The following CYP27A1 variants were observed in gnomAD, a reference collection of about 807,000 sequenced individuals.
CYP27A1 encodes the protein sterol 26-hydroxylase, mitochondrial.
In CYP27A1, 46 loss-of-function variants were observed where a neutral mutation model predicts 58.2. The observed-to-expected ratio is 0.79, with a 90% confidence interval of 0.62 to 1.01. The LOEUF is 1.01. CYP27A1 is among the 50% of genes least tolerant of loss of function. CYP27A1 has a pLI of 0.00. For synonymous variants in CYP27A1, 274 were observed against 285.1 expected (o/e 0.96, Z 0.39); for missense variants, 704 against 687.0 (o/e 1.02, Z -0.28).
chr2:218,812,139 G>T, intron 2 of CYP27A1, 83 bp from the exon 3 acceptor site: 1 of 996,186 alleles, frequency 1.0e-6, no homozygotes. Context: ...TGGAGGGGGT[G>T]GTGGACTTCA....
At chr2:218,791,021 A>G (rs989761402) in intron 1 of CYP27A1, among the ~76,000 whole-genome samples, 1 of 152,076 alleles carries the variant, frequency 6.6e-6, no homozygotes, top group Non-Finnish European at 1.5e-5. Flanking sequence ...TTTTTAATAG[A>G]GACGGGGCTT....
At chr2:218,805,273 C>G (rs114834962) in intron 1 of CYP27A1, among the ~76,000 whole-genome samples, 1,881 of 152,306 alleles carry the variant, frequency 0.012, 39 homozygotes, top group African/African-American at 0.043. Context: ...TTCCCCACCC[C>G]CTTTCTATGT....
At position 218,809,966 on chromosome 2, in the gene CYP27A1, G is replaced by T. The variant is rs146574215; in HGVS notation, c.446+199G>T. 2.7e-3 allele frequency among the ~76,000 whole-genome samples: 412 copies of T among 152,284 alleles called. 6 individuals carry two copies. Among genetic ancestry groups the T allele is most frequent in the African/African-American group, 9.2e-3 (383 of 41,566 alleles). ...GCTCTCCACTAATAAATATTAGGTTGGTGCAAAAGTCATTGTGGTTTTCAC... is the reference window on the plus strand; with the variant it reads ...GCTCTCCACTAATAAATATTAGGTTTGTGCAAAAGTCATTGTGGTTTTCAC... On this transcript the variant is annotated intron_variant, in intron 2 of 8. Transcript: ENST00000258415.
chr2:218,809,437 A>ACG lies in CYP27A1; in HGVS notation c.256-140_256-139insCG, dbSNP rs201420982. ...CATCCTGGTGCCTACATCATACACA[A>ACG]TGCCCTTTTTTTTTTTTTTTTTTTT... is the stretch of plus-strand genomic sequence containing the variant. On this transcript the variant is annotated intron_variant, in intron 1 of 8. Transcript: ENST00000258415. 5.7e-3 allele frequency: 3,929 copies of ACG among 688,208 alleles called. 339 individuals are homozygous for ACG. In the African/African-American group the frequency reaches 0.1, roughly 18 times the overall value. The allele number at this position is 688,208 out of a possible 1,614,324, so 42.6% of individuals were successfully genotyped here.
intron 1 of CYP27A1, among the ~76,000 whole-genome samples, chr2:218,806,868 T>G (rs997776710): frequency 6.6e-6 from 1 of 152,060 alleles, no homozygotes; most frequent in Non-Finnish European, 1.5e-5. Context: ...TGGTCAGCTC[T>G]ATGGAAACAC....
chr2:218,783,865 C>A lies in CYP27A1; in HGVS notation c.255+1428C>A, dbSNP rs1179804031. Among the ~76,000 whole-genome samples, 5 of 152,122 alleles carry A rather than the reference C, an allele frequency of 3.3e-5. No homozygotes were observed. The East Asian group carries it at 5.8e-4, about 18-fold the overall frequency. ...GGAGCTGTGGGGACTGGGGACAGGACTGGCCTTTGAGGACAGCCTTGAAGA... is the reference window on the plus strand; with the variant it reads ...GGAGCTGTGGGGACTGGGGACAGGAATGGCCTTTGAGGACAGCCTTGAAGA... On this transcript the variant is annotated intron_variant, in intron 1 of 8. Transcript: ENST00000258415.
rs1442576174 is a variant in CYP27A1 at position 218,812,691 on chromosome 2, C to T, written c.786C>T (p.Arg262=). 1.9e-6 allele frequency: 3 copies of T among 1,614,228 alleles called. No individual in the cohort carries two copies. Among genetic ancestry groups the T allele is most frequent in the Admixed American group, 1.7e-5 (1 of 60,028 alleles). Residue 262 remains arginine, a synonymous_variant, in exon 4 of 9, where the codon CGC becomes CGT. Coordinates refer to ENST00000258415, the MANE Select transcript of CYP27A1 (RefSeq NM_000784.4). ...LYATFLPKWT[R]PVLPFWKRYL... is the part of the protein sequence containing the mutation. ...CCACCTTCCTCCCCAAGTGGACTCGCCCCGTGCTGCCTTTCTGGAAGCGAT... is the reference window on the plus strand; with the variant it reads ...CCACCTTCCTCCCCAAGTGGACTCGTCCCGTGCTGCCTTTCTGGAAGCGAT...
chr2:218,785,713 A>G (rs1943434704), intron 1 of CYP27A1, among the ~76,000 whole-genome samples: 1 of 152,128 alleles, frequency 6.6e-6, no homozygotes, highest in Admixed American at 6.5e-5. Flanking sequence ...CTTGGGGCAC[A>G]CGAACCTGGG....
intron 5 of CYP27A1, 140 bp from the exon 6 acceptor site, chr2:218,813,881 T>A: frequency 1.1e-6 from 1 of 903,682 alleles, no homozygotes; most frequent in African/African-American, 1.6e-5. Flanking sequence ...GAGACTGCCA[T>A]GAACCTGCAT....
chr2:218,808,714 TG>T (rs1256375064), intron 1 of CYP27A1, among the ~76,000 whole-genome samples: 5 of 152,194 alleles, frequency 3.3e-5, no homozygotes, highest in Non-Finnish European at 5.9e-5. Context: ...AGTTTGTAGG[TG>T]TAACTTACCT....
chr2:218,789,217 C>T (rs181763180), intron 1 of CYP27A1, among the ~76,000 whole-genome samples: 3 of 152,254 alleles, frequency 2.0e-5, no homozygotes, highest in Non-Finnish European at 4.4e-5. Flanking sequence ...AATTATGGTA[C>T]ATCCATATGA....
chr2:218,812,486 T>C, intron 3 of CYP27A1, 65 bp downstream of exon 3: 1 of 1,611,168 alleles, frequency 6.2e-7, no homozygotes, highest in Non-Finnish European at 8.5e-7. Context: ...CTCCCTCTCC[T>C]CAAGGGCTCC....
intron 1 of CYP27A1, among the ~76,000 whole-genome samples, chr2:218,783,241 G>A (rs1943411541): frequency 8.4e-6 from 1 of 118,908 alleles, no homozygotes; most frequent in African/African-American, 3.4e-5. Context: ...TGGGCAACAA[G>A]AGCGAAACTC....
At chr2:218,813,877 G>A in intron 5 of CYP27A1, 144 bp from the exon 6 acceptor site, 2 of 868,268 alleles carry the variant, frequency 2.3e-6, no homozygotes, top group South Asian at 1.4e-5. Flanking sequence ...CATGGAGACT[G>A]CCATGAACCT....
rs1401376469 is a variant in CYP27A1 at position 218,814,576 on chromosome 2, C to G, written c.1295C>G (p.Ser432Cys). 1 of 1,614,198 alleles carries G rather than the reference C, an allele frequency of 6.2e-7. No homozygotes were observed. Among genetic ancestry groups the G allele is most frequent in the South Asian group, 1.1e-5 (1 of 91,082 alleles). The part of the protein sequence containing the change: ...TQFVFCHYVV[S>C]RDPTAFSEPE... ...TTTGTGTTCTGCCACTATGTGGTGT[C>G]CCGGGACCCCACTGCCTTCTCTGAG... Residue 432 changes from serine to cysteine, a missense_variant, in exon 8 of 9, where the codon TCC becomes TGC. Ser to Cys is a moderately radical substitution (Grantham distance 112, BLOSUM62 -1). Coordinates refer to ENST00000258415, the MANE Select transcript of CYP27A1 (RefSeq NM_000784.4).
chr2:218,799,765 T>C (rs1943581972), intron 1 of CYP27A1, among the ~76,000 whole-genome samples: 1 of 152,024 alleles, frequency 6.6e-6, no homozygotes, highest in Admixed American at 6.6e-5. Flanking sequence ...CAGTCCACTG[T>C]CCAATCTGAG....
intron 1 of CYP27A1, among the ~76,000 whole-genome samples, chr2:218,799,256 C>T (rs577523886): frequency 4.1e-4 from 62 of 152,182 alleles, no homozygotes; most frequent in African/African-American, 1.2e-3. Flanking sequence ...CTTATCTAGA[C>T]GCCGCGGTGA....
chr2:218,814,731 C>G lies in CYP27A1; in HGVS notation c.1450C>G (p.Leu484Val). The change falls in exon 8 of 9, where the codon CTG (leucine) becomes GTG (valine). Residue 484 changes from leucine to valine, a missense_variant. Physicochemically the swap from Leu to Val is conservative, Grantham distance 32. Coordinates refer to ENST00000258415, the MANE Select transcript of CYP27A1 (RefSeq NM_000784.4). ...CTGCCTGGGCCGCAGGATTGCAGAG[C>G]TGGAGATGCAGCTACTCCTCGCAAG... ...RACLGRRIAE[L>V]EMQLLLARLI... The G allele has an allele frequency of 6.2e-7, 1 of 1,614,082 alleles. No individual in the cohort carries two copies. The highest frequency in any genetic ancestry group is 8.5e-7 in the Non-Finnish European group (1 of 1,180,024).
At position 218,814,415 on chromosome 2, in the gene CYP27A1, T is replaced by C. The variant is rs1943764010; in HGVS notation, c.1220T>C (p.Ile407Thr). ...YPVVPTNSRI[I>T]EKEIEVDGFL... is the part of the protein sequence containing the mutation. ...GTGGTCCCCACAAACTCCCGGATCA[T>C]AGAAAAGGAAATTGAAGTTGATGGC... Residue 407 changes from isoleucine to threonine, a missense_variant, in exon 7 of 9, where the codon ATA becomes ACA. Ile to Thr is a moderately conservative substitution (Grantham distance 89). Coordinates refer to ENST00000258415, the MANE Select transcript of CYP27A1 (RefSeq NM_000784.4). 1 of 1,614,208 alleles carries C rather than the reference T, an allele frequency of 6.2e-7. No homozygotes were observed. The highest frequency in any genetic ancestry group is 8.5e-7 in the Non-Finnish European group (1 of 1,180,020).
Sources: gnomAD v4.1 joint callset for allele counts (sites outside exome capture counted in the v4.1 genomes callset) on GRCh38, gnomAD v4.1.1 for gene constraint, MANE v1.5 for transcripts, NCBI Gene and HGNC (gene_info 2026-07-23, HGNC 2026-07-21) for gene names.